Variants in EPB41L4A observed in about 807,000 individuals in gnomAD.
EPB41L4A encodes the protein band 4.1-like protein 4A.
EPB41L4A carries 100 observed loss-of-function variants against 108.6 expected under a neutral mutation model. The ratio of observed to expected loss-of-function variants is 0.92; its 90% CI spans 0.78 to 1.09. EPB41L4A has a LOEUF of 1.09. Among genes scored for constraint, EPB41L4A ranks in the 50% least tolerant of loss-of-function variants. The pLI is 0.00. For synonymous variants in EPB41L4A, 319 were observed against 289.0 expected, an observed-to-expected ratio of 1.10 and a Z score of -1.05; for missense variants, 1,030 against 842.7, an observed-to-expected ratio of 1.22 and a Z score of -2.75.
At chr5:112,225,396 GCT>G (rs769950823) in intron 12 of EPB41L4A, among the ~76,000 whole-genome samples, 9 of 152,082 alleles carry the variant, frequency 5.9e-5, no homozygotes, top group Admixed American at 1.3e-4. Flanking sequence ...ATCTTATATT[GCT>G]CTTTCTCTGT....
intron 1 of EPB41L4A, among the ~76,000 whole-genome samples, chr5:112,354,218 C>A (rs1293711702): frequency 6.6e-6 from 1 of 152,136 alleles, no homozygotes; most frequent in Non-Finnish European, 1.5e-5. Flanking sequence ...TTATACGTTC[C>A]TCATCATTAT....
At chr5:112,150,459 A>G (rs1165031562) in intron 12 of EPB41L4A, among the ~76,000 whole-genome samples, 1 of 152,212 alleles carries the variant, frequency 6.6e-6, no homozygotes, top group Non-Finnish European at 1.5e-5. Flanking sequence ...TCTTTGAAAA[A>G]AAACAAAGGG....
chr5:112,177,289 T>C (rs1398446758), intron 18 of EPB41L4A, among the ~76,000 whole-genome samples: 1 of 152,200 alleles, frequency 6.6e-6, no homozygotes, highest in Non-Finnish European at 1.5e-5. Flanking sequence ...TTTTCCTCTA[T>C]TTTCAAAGCC....
At chr5:112,398,590 T>C (rs929439548) in intron 1 of EPB41L4A, among the ~76,000 whole-genome samples, 7 of 152,132 alleles carry the variant, frequency 4.6e-5, no homozygotes, top group African/African-American at 1.4e-4. Context: ...TGTTTTGTCT[T>C]GTTGCCCAGG....
chr5:112,311,732 C>A (rs1755064722), intron 1 of EPB41L4A, among the ~76,000 whole-genome samples: 3 of 152,150 alleles, frequency 2.0e-5, no homozygotes, highest in South Asian at 4.1e-4. Context: ...AATTTTAGAT[C>A]AAACTTTCTT....
intron 10 of EPB41L4A, among the ~76,000 whole-genome samples, chr5:112,240,395 A>G (rs1384242629): frequency 6.6e-6 from 1 of 152,226 alleles, no homozygotes. Context: ...AATTATGCAC[A>G]GAACACTCCA....
intron 7 of EPB41L4A, 90 bp downstream of exon 7, chr5:112,262,403 AG>A (rs1459791979): frequency 9.9e-7 from 1 of 1,012,968 alleles, no homozygotes; most frequent in Non-Finnish European, 1.5e-6. Context: ...GCTAAACAAC[AG>A]GACTGCAGCT....
chr5:112,379,447 A>G (rs1760028980), intron 1 of EPB41L4A, among the ~76,000 whole-genome samples: 1 of 152,226 alleles, frequency 6.6e-6, no homozygotes, highest in African/African-American at 2.4e-5. Flanking sequence ...TGATGAAACA[A>G]GAGGTAAGGA....
intron 1 of EPB41L4A, among the ~76,000 whole-genome samples, chr5:112,316,817 G>A (rs1580672492): frequency 6.6e-6 from 1 of 152,142 alleles, no homozygotes; most frequent in Admixed American, 6.5e-5. Flanking sequence ...AGGTCTACCT[G>A]GGCTGAAGAA....
At chr5:112,253,605 G>C (rs778208515) in intron 9 of EPB41L4A, among the ~76,000 whole-genome samples, 1 of 151,984 alleles carries the variant, frequency 6.6e-6, no homozygotes, top group Non-Finnish European at 1.5e-5. Context: ...CAGTTACATC[G>C]GAATATCCCT....
chr5:112,402,020 A>G (rs1445957402), intron 1 of EPB41L4A, among the ~76,000 whole-genome samples: 1 of 152,198 alleles, frequency 6.6e-6, no homozygotes. Flanking sequence ...GATGAAGGTA[A>G]AAACATACAC....
chr5:112,330,291 G>A (rs1309262137), intron 1 of EPB41L4A, among the ~76,000 whole-genome samples: 1 of 151,828 alleles, frequency 6.6e-6, no homozygotes, highest in African/African-American at 2.4e-5. Context: ...GGATAGTTAA[G>A]GTCTCATTCT....
chr5:112,401,414 A>G (rs1265375694), intron 1 of EPB41L4A, among the ~76,000 whole-genome samples: 2 of 152,268 alleles, frequency 1.3e-5, no homozygotes, highest in Non-Finnish European at 2.9e-5. Context: ...AAGTTCCTAC[A>G]TAAGAGGAAA....
chr5:112,408,009 A>G (rs1162942629), intron 1 of EPB41L4A, among the ~76,000 whole-genome samples: 1 of 152,214 alleles, frequency 6.6e-6, no homozygotes, highest in East Asian at 1.9e-4. Flanking sequence ...AATTACCCAC[A>G]TCTACCTTAC....
At chr5:112,354,419 A>G (rs894984153) in intron 1 of EPB41L4A, among the ~76,000 whole-genome samples, 2 of 152,222 alleles carry the variant, frequency 1.3e-5, no homozygotes, top group African/African-American at 4.8e-5. Flanking sequence ...TGGAACAGAT[A>G]GTGATAAGAC....
At chr5:112,357,315 T>C (rs1182607095) in intron 1 of EPB41L4A, among the ~76,000 whole-genome samples, 3 of 152,228 alleles carry the variant, frequency 2.0e-5, no homozygotes, top group Admixed American at 6.5e-5. Flanking sequence ...ATAATCTGAA[T>C]GTTGCCTGAC....
chr5:112,179,978 G>A (rs1222344960), intron 18 of EPB41L4A, among the ~76,000 whole-genome samples: 1 of 152,048 alleles, frequency 6.6e-6, no homozygotes, highest in Non-Finnish European at 1.5e-5. Context: ...GGGGTGGCAG[G>A]ATGTAGCATC....
intron 1 of EPB41L4A, among the ~76,000 whole-genome samples, chr5:112,368,571 C>T (rs1305148061): frequency 6.6e-6 from 1 of 152,102 alleles, no homozygotes; most frequent in Non-Finnish European, 1.5e-5. Context: ...TCTCTAATTC[C>T]AGACGCCTCC....
intron 1 of EPB41L4A, among the ~76,000 whole-genome samples, chr5:112,349,684 T>C (rs1242702742): frequency 6.6e-6 from 1 of 152,102 alleles, no homozygotes; most frequent in African/African-American, 2.4e-5. Flanking sequence ...ACGCCCACCA[T>C]GGGTGTGGTG....
Sources: allele counts gnomAD v4.1 joint callset (sites outside exome capture counted in the v4.1 genomes callset), GRCh38; gene constraint gnomAD v4.1.1; transcripts MANE v1.5; gene names NCBI Gene and HGNC (gene_info 2026-07-23, HGNC 2026-07-21).